The following ANXA11 variants were observed in gnomAD, a reference collection of about 807,000 sequenced individuals.
ANXA11 encodes the protein 56 kDa autoantigen.
In ANXA11, 57 loss-of-function variants were observed where a neutral mutation model predicts 64.7. The ratio of observed to expected loss-of-function variants is 0.88; its 90% CI spans 0.71 to 1.10. ANXA11 has a LOEUF of 1.10. Among genes scored for constraint, ANXA11 ranks in the 50% least tolerant of loss-of-function variants. ANXA11 has a pLI of 0.00. For missense variants in ANXA11, 675 were observed against 670.7 expected, an observed-to-expected ratio of 1.01 and a Z score of -0.07; for synonymous variants, 260 against 265.2, an observed-to-expected ratio of 0.98 and a Z score of 0.19.
At chr10:80,176,471 G>C (rs1034327078) in intron 1 of ANXA11, among the ~76,000 whole-genome samples, 1 of 152,208 alleles carries the variant, frequency 6.6e-6, no homozygotes, top group Non-Finnish European at 1.5e-5. Context: ...GCTGCCTCTC[G>C]AGAGGAAAGG....
At position 80,195,193 on chromosome 10, in the gene ANXA11, G is replaced by A. The variant is rs995376828; in HGVS notation, c.-58+10150C>T. Among the ~76,000 whole-genome samples the A allele has an allele frequency of 3.3e-5, 5 of 152,314 alleles. No homozygotes were observed. In the East Asian group the frequency reaches 9.6e-4, roughly 29 times the overall value. On this transcript the variant is annotated intron_variant, in intron 1 of 15. Transcript: ENST00000422982. Reference sequence around the variant, plus strand: ...CCCTTCAAGCCTGGGAGACTTAACAGAGTGTATATTCCAGCTCCAAATGGC... The same window carrying A: ...CCCTTCAAGCCTGGGAGACTTAACAAAGTGTATATTCCAGCTCCAAATGGC...
At chr10:80,203,396 A>G (rs138745380) in intron 1 of ANXA11, among the ~76,000 whole-genome samples, 1,570 of 151,610 alleles carry the variant, frequency 0.01, 30 homozygotes, top group African/African-American at 0.036. Flanking sequence ...TGAGGCTTCC[A>G]CTCCCACCTC....
At chr10:80,192,758 T>C (rs1432556533) in intron 1 of ANXA11, among the ~76,000 whole-genome samples, 1 of 152,234 alleles carries the variant, frequency 6.6e-6, no homozygotes, top group Non-Finnish European at 1.5e-5. Context: ...GAAATTATTT[T>C]CAGCTTATAA....
At chr10:80,184,267 T>G (rs1341462250) in intron 1 of ANXA11, among the ~76,000 whole-genome samples, 2 of 152,222 alleles carry the variant, frequency 1.3e-5, no homozygotes. Flanking sequence ...TGACTTATGA[T>G]AGGGTTACAT....
intron 1 of ANXA11, among the ~76,000 whole-genome samples, chr10:80,199,557 G>A (rs993038879): frequency 3.3e-5 from 5 of 152,128 alleles, no homozygotes; most frequent in Non-Finnish European, 7.4e-5. Flanking sequence ...CGTAATCCCA[G>A]CACTTTGGGA....
intron 12 of ANXA11, among the ~76,000 whole-genome samples, chr10:80,161,612 T>C (rs1471873859): frequency 6.6e-6 from 1 of 152,236 alleles, no homozygotes; most frequent in African/African-American, 2.4e-5. Context: ...CACCCAGTTT[T>C]ATTGTTATGA....
chr10:80,174,423 C>T (rs1490027302), intron 2 of ANXA11, among the ~76,000 whole-genome samples: 1 of 151,410 alleles, frequency 6.6e-6, no homozygotes, highest in African/African-American at 2.4e-5. Context: ...ATTACAGGCG[C>T]CCGCCATCAT....
chr10:80,174,277 ATTTATT>A (rs1329595242), intron 2 of ANXA11, among the ~76,000 whole-genome samples: 1 of 150,928 alleles, frequency 6.6e-6, no homozygotes, highest in Admixed American at 6.6e-5. Context: ...TTTTTTTATT[ATTTATT>A]TTTATTTTTT....
At chr10:80,174,156 G>A (rs1846081324) in intron 2 of ANXA11, among the ~76,000 whole-genome samples, 1 of 152,122 alleles carries the variant, frequency 6.6e-6, no homozygotes, top group African/African-American at 2.4e-5. Flanking sequence ...CTGGGCTCAG[G>A]TAATCCTCCC....
rs1845171967 is a variant in ANXA11, at chr10:80,152,376, G to A, written c.*3477C>T. ...GTGCCTTTGCCTCTGGGAAGATCAT[G>A]AGGCATTCATGCAGTCCTCCAGCCC... On this transcript the variant is annotated 3_prime_UTR_variant, in exon 16 of 16. Coordinates refer to ENST00000422982, the MANE Select transcript of ANXA11 (RefSeq NM_145868.2). The A allele has an allele frequency of 6.6e-6, 1 of 152,248 alleles. No homozygotes were observed. The highest frequency in any genetic ancestry group is 2.4e-5 in the African/African-American group (1 of 41,446). The allele number at this position is 152,248 out of a possible 1,614,324, so 9.4% of individuals were successfully genotyped here.
At chr10:80,182,634 T>C (rs986283803) in intron 1 of ANXA11, among the ~76,000 whole-genome samples, 1 of 152,188 alleles carries the variant, frequency 6.6e-6, no homozygotes, top group African/African-American at 2.4e-5. Context: ...TATCAACCTG[T>C]TACCTAGGTT....
chr10:80,157,877 G>A, intron 14 of ANXA11, 90 bp downstream of exon 14: 2 of 1,589,492 alleles, frequency 1.3e-6, no homozygotes, highest in Non-Finnish European at 1.7e-6. Context: ...CTGAGATTTA[G>A]CTCTCCCCAG....
intron 13 of ANXA11, 62 bp downstream of exon 13, chr10:80,159,038 G>T (rs1845398508): frequency 7.8e-7 from 1 of 1,288,310 alleles, no homozygotes; most frequent in African/African-American, 1.5e-5. Flanking sequence ...CAGGCGAGCA[G>T]CCTGAACACT....
intron 2 of ANXA11, among the ~76,000 whole-genome samples, chr10:80,174,827 G>C (rs571641566): frequency 6.6e-6 from 1 of 152,318 alleles, no homozygotes; most frequent in South Asian, 2.1e-4. Context: ...ACAGTGCTGG[G>C]ATTACAGGCA....
intron 1 of ANXA11, among the ~76,000 whole-genome samples, chr10:80,203,599 A>G (rs1467992549): frequency 6.6e-6 from 1 of 152,186 alleles, no homozygotes; most frequent in Non-Finnish European, 1.5e-5. Context: ...GAGGTAAGTC[A>G]GAAACAGCCC....
chr10:80,151,332 T>A lies in ANXA11; in HGVS notation c.*4521A>T, dbSNP rs1845153691. On this transcript the variant is annotated 3_prime_UTR_variant, in exon 16 of 16. Coordinates refer to ENST00000422982, the MANE Select transcript of ANXA11 (RefSeq NM_145868.2). The stretch of plus-strand genomic sequence containing the variant: ...CCTTGGTATACCTGGTGGGCTTGAC[T>A]GACTCCTTTACTGACAGGGGACCCT... 6.6e-6 allele frequency: 1 copy of A among 152,248 alleles called. No individual in the cohort carries two copies. The highest frequency in any genetic ancestry group is 1.5e-5 in the Non-Finnish European group (1 of 68,054). 9.4% of individuals were successfully genotyped at this position (152,248 alleles called of 1,614,324 possible).
rs142881470 is a variant in ANXA11 at position 80,175,433 on chromosome 10, C to T, written c.-9+674G>A. On this transcript the variant is annotated intron_variant, in intron 2 of 15. Coordinates refer to ENST00000422982, the MANE Select transcript of ANXA11 (RefSeq NM_145868.2). ...GAGAAATGAAGCCAAAAGCTCCATC[C>T]ACAGCCAGGCCAGGGAAAAAACCCA... 7.2e-5 allele frequency among the ~76,000 whole-genome samples: 11 copies of T among 152,186 alleles called. 2 individuals carry two copies. The East Asian group carries it at 1.9e-3, about 27-fold the overall frequency.
chr10:80,162,542 GT>G (rs1845556134), intron 11 of ANXA11, among the ~76,000 whole-genome samples: 1 of 152,254 alleles, frequency 6.6e-6, no homozygotes, highest in African/African-American at 2.4e-5. Context: ...CTAGCTTTCA[GT>G]TGGGAACAGT....
chr10:80,164,639 C>G (rs1845654928), intron 8 of ANXA11, among the ~76,000 whole-genome samples: 2 of 152,210 alleles, frequency 1.3e-5, no homozygotes, highest in African/African-American at 2.4e-5. Context: ...GACAACCACG[C>G]CAGGGACAGT....
Sources: allele counts gnomAD v4.1 joint callset (sites outside exome capture counted in the v4.1 genomes callset), GRCh38; gene constraint gnomAD v4.1.1; transcripts MANE v1.5; gene names NCBI Gene and HGNC (gene_info 2026-07-23, HGNC 2026-07-21).